Variants in PLSCR2 observed in about 807,000 individuals in gnomAD.
PLSCR2 encodes PL scramblase 2.
A neutral mutation model predicts 25.3 loss-of-function variants in PLSCR2; 18 were observed. The ratio of observed to expected loss-of-function variants is 0.71; its 90% CI spans 0.49 to 1.06. The LOEUF is 1.06. PLSCR2 is among the 50% of genes least tolerant of loss of function. PLSCR2 has a pLI of 0.00. For missense variants in PLSCR2, 243 were observed against 269.5 expected (o/e 0.90, Z 0.69); for synonymous variants, 88 against 87.3 (o/e 1.01, Z -0.04).
At chr3:146,469,465 G>C in intron 1 of PLSCR2, 30 bp downstream of exon 1, 1 of 942,982 alleles carries the variant, frequency 1.1e-6, no homozygotes, top group Non-Finnish European at 1.3e-6. Flanking sequence ...CAGTCCCATA[G>C]GGAGGCGACT....
chr3:146,422,143 G>A (rs2108078394), intron 2 of PLSCR2, among the ~76,000 whole-genome samples: 1 of 152,192 alleles, frequency 6.6e-6, no homozygotes, highest in East Asian at 1.9e-4. Context: ...GCACCTCCAT[G>A]AGGAGTTTCT....
chr3:146,483,451 ATG>A (rs1169086260), intron 1 of PLSCR2, among the ~76,000 whole-genome samples: 3 of 55,840 alleles, frequency 5.4e-5, no homozygotes, highest in Admixed American at 1.9e-4. Context: ...ATACACATGT[ATG>A]TATATATATA....
chr3:146,475,878 A>G (rs2042267757), intron 1 of PLSCR2, among the ~76,000 whole-genome samples: 1 of 152,152 alleles, frequency 6.6e-6, no homozygotes, highest in South Asian at 2.1e-4. Context: ...GGGTATGTGC[A>G]CAGTTCTGTA....
chr3:146,436,973 T>C (rs995194819), downstream of PLSCR2, among the ~76,000 whole-genome samples: 2 of 152,194 alleles, frequency 1.3e-5, no homozygotes, highest in African/African-American at 2.4e-5. Context: ...TATTGAGACT[T>C]TTTAGCATGA....
At chr3:146,451,324 A>G (rs986060005) in intron 5 of PLSCR2, among the ~76,000 whole-genome samples, 1 of 151,932 alleles carries the variant, frequency 6.6e-6, no homozygotes, top group Non-Finnish European at 1.5e-5. Context: ...CATGTTGGCC[A>G]GGCTGGTCTC....
intron 4 of PLSCR2, 64 bp from the exon 5 acceptor site, chr3:146,454,227 C>G: frequency 2.6e-6 from 3 of 1,153,592 alleles, no homozygotes; most frequent in Non-Finnish European, 3.6e-6. Context: ...AATAATAGCT[C>G]TAATTTACTG....
chr3:146,478,477 G>C (rs1193441532), intron 1 of PLSCR2, among the ~76,000 whole-genome samples: 1 of 152,040 alleles, frequency 6.6e-6, no homozygotes, highest in East Asian at 1.9e-4. Context: ...TCGATCAAGT[G>C]GAAGAAAGGG....
chr3:146,480,371 T>G (rs2043086195), intron 1 of PLSCR2, among the ~76,000 whole-genome samples: 1 of 151,178 alleles, frequency 6.6e-6, no homozygotes, highest in South Asian at 2.1e-4. Context: ...GAGAGAAGAA[T>G]CAAACAGACG....
At chr3:146,422,343 C>T (rs2039181175) in intron 2 of PLSCR2, among the ~76,000 whole-genome samples, 2 of 152,088 alleles carry the variant, frequency 1.3e-5, no homozygotes, top group African/African-American at 4.8e-5. Context: ...CCAAATCCCA[C>T]ACAAAGTGTT....
chr3:146,493,783 GTTTTTTTTTT>G (rs34986699), intron 1 of PLSCR2, among the ~76,000 whole-genome samples: 1 of 54,770 alleles, frequency 1.8e-5, no homozygotes, highest in Non-Finnish European at 3.2e-5. Flanking sequence ...CCAAGGTGGC[GTTTTTTTTTT>G]TTTTTTTTTT....
At chr3:146,425,677 C>T (rs1576598527) in intron 2 of PLSCR2, among the ~76,000 whole-genome samples, 2 of 152,046 alleles carry the variant, frequency 1.3e-5, no homozygotes, top group South Asian at 4.1e-4. Context: ...ATGTTAATGA[C>T]TCTGCTAGTC....
chr3:146,461,571 T>C (rs780942992), upstream of PLSCR2, among the ~76,000 whole-genome samples: 1 of 152,098 alleles, frequency 6.6e-6, no homozygotes, highest in Non-Finnish European at 1.5e-5. Flanking sequence ...TAAGTTACTT[T>C]AGATGGATAT....
At chr3:146,414,032 A>G (rs1009907551) in intron 2 of PLSCR2, among the ~76,000 whole-genome samples, 1 of 152,212 alleles carries the variant, frequency 6.6e-6, no homozygotes, top group Non-Finnish European at 1.5e-5. Flanking sequence ...GCACCTTGTG[A>G]GAGCCTTCCT....
chr3:146,476,446 G>A (rs991547116), intron 1 of PLSCR2, among the ~76,000 whole-genome samples: 5 of 152,206 alleles, frequency 3.3e-5, no homozygotes, highest in Admixed American at 2.0e-4. Flanking sequence ...GGTCCCAACC[G>A]CAGAGCTGCA....
At chr3:146,451,796 C>T (rs1183029018) in intron 5 of PLSCR2, among the ~76,000 whole-genome samples, 3 of 152,170 alleles carry the variant, frequency 2.0e-5, no homozygotes, top group Non-Finnish European at 4.4e-5. Flanking sequence ...GAACTCTAAA[C>T]AACAGGTTCA....
chr3:146,427,056 C>T (rs578118513), intron 2 of PLSCR2, among the ~76,000 whole-genome samples: 2 of 152,282 alleles, frequency 1.3e-5, no homozygotes, highest in Non-Finnish European at 2.9e-5. Flanking sequence ...CAATTCTCCA[C>T]TTTTTATTGA....
At chr3:146,484,823 CT>C (rs1174350021) in intron 1 of PLSCR2, among the ~76,000 whole-genome samples, 1 of 152,046 alleles carries the variant, frequency 6.6e-6, no homozygotes, top group Non-Finnish European at 1.5e-5. Flanking sequence ...CTGGTATTAG[CT>C]ACTGCAAAGA....
At chr3:146,492,482 AATACTAAGGAGAT>A (rs1353330463) in intron 1 of PLSCR2, among the ~76,000 whole-genome samples, 1 of 152,182 alleles carries the variant, frequency 6.6e-6, no homozygotes, top group Non-Finnish European at 1.5e-5. Context: ...AATATAAATC[AATACTAAGGAGAT>A]ATATCCAAAC....
intron 1 of PLSCR2, among the ~76,000 whole-genome samples, chr3:146,473,462 C>T (rs1399911601): frequency 3.3e-5 from 5 of 152,010 alleles, no homozygotes; most frequent in African/African-American, 7.2e-5. Flanking sequence ...CCTGCTACCA[C>T]GCCTAACTAA....
Sources: gnomAD v4.1 joint callset for allele counts (sites outside exome capture counted in the v4.1 genomes callset) on GRCh38, gnomAD v4.1.1 for gene constraint, MANE v1.5 for transcripts, NCBI Gene and HGNC (gene_info 2026-07-23, HGNC 2026-07-21) for gene names.